Variants in ENOX1 observed in about 807,000 individuals in gnomAD.
ENOX1 encodes the protein candidate growth-related and time keeping constitutive hydroquinone (NADH) oxidase.
Under a neutral mutation model 82.5 loss-of-function variants are expected in ENOX1, and 42 were observed. The ratio of observed to expected loss-of-function variants is 0.51; its 90% CI spans 0.40 to 0.66. ENOX1 has a LOEUF of 0.66. ENOX1 is among the 30% of genes least tolerant of loss of function. ENOX1 has a pLI of 0.00. For synonymous variants in ENOX1, 271 were observed against 282.2 expected (o/e 0.96, Z 0.40); for missense variants, 608 against 811.6 (o/e 0.75, Z 3.05).
chr13:43,609,337 CT>C (rs939533075), intron 2 of ENOX1, among the ~76,000 whole-genome samples: 4 of 152,066 alleles, frequency 2.6e-5, no homozygotes, highest in African/African-American at 7.2e-5. Context: ...CTTAAAGGTT[CT>C]TTTTTATTTT....
chr13:43,281,506 A>G (rs954292378), intron 12 of ENOX1, among the ~76,000 whole-genome samples: 1 of 151,246 alleles, frequency 6.6e-6, no homozygotes, highest in South Asian at 2.1e-4. Flanking sequence ...ATTAAGAGAA[A>G]TTAGAGCCCC....
chr13:43,437,023 A>T lies in ENOX1; in HGVS notation c.-74-24035T>A, dbSNP rs117009897. On this transcript the variant is annotated intron_variant, in intron 3 of 16. Transcript: ENST00000690772. ...ACACCAGTGTGTGGGAATAATTCCTAGAAGAATGCTGAAGAGGCCTAAATA... is the reference window on the plus strand; with the variant it reads ...ACACCAGTGTGTGGGAATAATTCCTTGAAGAATGCTGAAGAGGCCTAAATA... 1.0e-3 allele frequency among the ~76,000 whole-genome samples: 157 copies of T among 152,342 alleles called. No homozygotes were observed. The East Asian group carries it at 0.026, about 26-fold the overall frequency.
intron 14 of ENOX1, among the ~76,000 whole-genome samples, chr13:43,254,352 T>C (rs2043628001): frequency 1.3e-5 from 2 of 152,188 alleles, no homozygotes; most frequent in Admixed American, 1.3e-4. Context: ...AAAATGCAAA[T>C]ATTATTGAGG....
chr13:43,670,625 A>G (rs1209963713), intron 1 of ENOX1, among the ~76,000 whole-genome samples: 4 of 152,072 alleles, frequency 2.6e-5, no homozygotes, highest in Admixed American at 2.6e-4. Context: ...AGGCTGAGGC[A>G]GGTGGATCAC....
At chr13:43,439,533 T>C (rs1220180341) in intron 3 of ENOX1, among the ~76,000 whole-genome samples, 1 of 152,144 alleles carries the variant, frequency 6.6e-6, no homozygotes, top group Non-Finnish European at 1.5e-5. Flanking sequence ...TCCACAAATG[T>C]GATGTTATAG....
intron 3 of ENOX1, among the ~76,000 whole-genome samples, chr13:43,430,940 TTG>T (rs1433436733): frequency 1.3e-5 from 2 of 152,222 alleles, no homozygotes; most frequent in African/African-American, 4.8e-5. Flanking sequence ...GGAGAAGTTT[TTG>T]TTTGTTTTAA....
At chr13:43,561,864 C>G (rs760806771) in intron 2 of ENOX1, among the ~76,000 whole-genome samples, 6 of 151,888 alleles carry the variant, frequency 4.0e-5, no homozygotes, top group Non-Finnish European at 7.4e-5. Context: ...TCTATAGTAC[C>G]AGGTACTTGG....
At chr13:43,688,970 A>G (rs1197664241) in intron 1 of ENOX1, among the ~76,000 whole-genome samples, 1 of 152,188 alleles carries the variant, frequency 6.6e-6, no homozygotes, top group Non-Finnish European at 1.5e-5. Context: ...GGCTTCAGTA[A>G]TAAGTATTTC....
intron 8 of ENOX1, among the ~76,000 whole-genome samples, chr13:43,346,871 CT>C (rs11301298): frequency 0.96 from 144,444 of 150,996 alleles, 69,374 homozygotes; most frequent in South Asian, 1. Flanking sequence ...TAGAAGAAAT[CT>C]TTTTTTTTTT....
At chr13:43,503,314 A>G (rs1429234815) in intron 2 of ENOX1, among the ~76,000 whole-genome samples, 1 of 151,800 alleles carries the variant, frequency 6.6e-6, no homozygotes, top group East Asian at 1.9e-4. Flanking sequence ...CACTATCCAA[A>G]GCAATCTACA....
chr13:43,726,381 T>A (rs1271761148), intron 1 of ENOX1, among the ~76,000 whole-genome samples: 1 of 151,998 alleles, frequency 6.6e-6, no homozygotes, highest in African/African-American at 2.4e-5. Flanking sequence ...TACACCTAGC[T>A]AATTTTTGTA....
chr13:43,709,958 T>G (rs1320161906), intron 1 of ENOX1, among the ~76,000 whole-genome samples: 1 of 152,174 alleles, frequency 6.6e-6, no homozygotes, highest in Non-Finnish European at 1.5e-5. Context: ...ATCATTCCTA[T>G]TTTATATGTT....
chr13:43,236,642 G>A lies in ENOX1; in HGVS notation c.1708C>T (p.Leu570=), dbSNP rs748473129. The change falls in exon 15 of 17, where the codon CTA becomes TTA. Residue 570 remains leucine (L), a synonymous_variant. Transcript: ENST00000690772. ...QGLKSEKEAL[L]IGIISTFLHV... Reference sequence around the variant, plus strand: ...GAAAACAGAATTTCCTTACCTATTAGCAGAGCTTCTTTCTCTGATTTTAAG... The same window carrying A: ...GAAAACAGAATTTCCTTACCTATTAACAGAGCTTCTTTCTCTGATTTTAAG... The A allele has an allele frequency of 3.8e-5, 59 of 1,570,010 alleles. No individual in the cohort carries two copies. The South Asian group carries it at 7.0e-4, about 19-fold the overall frequency.
intron 1 of ENOX1, among the ~76,000 whole-genome samples, chr13:43,681,559 T>C (rs1447107958): frequency 1.3e-5 from 2 of 151,570 alleles, no homozygotes; most frequent in African/African-American, 4.9e-5. Flanking sequence ...ATGTGTTTTA[T>C]TATTGACTTT....
chr13:43,632,169 A>T (rs1473203403), intron 2 of ENOX1, among the ~76,000 whole-genome samples: 1 of 152,034 alleles, frequency 6.6e-6, no homozygotes, highest in East Asian at 1.9e-4. Flanking sequence ...CCCTATGTCT[A>T]TGTCTGTCAT....
intron 16 of ENOX1, among the ~76,000 whole-genome samples, chr13:43,217,013 A>C (rs1413365418): frequency 1.3e-5 from 2 of 152,222 alleles, no homozygotes; most frequent in Admixed American, 1.3e-4. Context: ...TTTACCAATA[A>C]GAAAACTGAG....
At position 43,786,271 on chromosome 13, in the gene ENOX1, G is replaced by C. The variant is rs1051565971; in HGVS notation, c.-285+381C>G. Among the ~76,000 whole-genome samples the C allele has an allele frequency of 3.9e-5, 6 of 152,306 alleles. No individual in the cohort carries two copies. The highest frequency in any genetic ancestry group is 4.8e-5 in the African/African-American group (2 of 41,580). ...CGGGTCCCGGGGGCGACGCCCGCAG[G>C]GGGAGACGGGTGCGGGGTGCGCTGT... On this transcript the variant is annotated intron_variant, in intron 1 of 16. Coordinates refer to ENST00000690772, the MANE Select transcript of ENOX1 (RefSeq NM_001347969.2). The surrounding 1 kb of genome is among the most constrained non-coding windows in gnomAD (Gnocchi z 6.0).
At chr13:43,700,456 A>G (rs1473632137) in intron 1 of ENOX1, among the ~76,000 whole-genome samples, 1 of 152,152 alleles carries the variant, frequency 6.6e-6, no homozygotes, top group Non-Finnish European at 1.5e-5. Flanking sequence ...GGTTGAGATT[A>G]AGTGACAATG....
intron 1 of ENOX1, among the ~76,000 whole-genome samples, chr13:43,785,648 T>C (rs1166561981): frequency 6.6e-6 from 1 of 152,064 alleles, no homozygotes; most frequent in Non-Finnish European, 1.5e-5. Flanking sequence ...CGTGGCTCAG[T>C]GGCTATACAG....
Sources: gnomAD v4.1 joint callset for allele counts (sites outside exome capture counted in the v4.1 genomes callset) on GRCh38, gnomAD v4.1.1 for gene constraint, Gnocchi (gnomAD v3.1) non-coding constraint, MANE v1.5 for transcripts, NCBI Gene and HGNC (gene_info 2026-07-23, HGNC 2026-07-21) for gene names.